FRMD3: variants seen among roughly 807,000 people sequenced by gnomAD.
The protein encoded by FRMD3 is FERM domain containing 3.
In FRMD3, 33 loss-of-function variants were observed where a neutral mutation model predicts 70.2. That is an observed-to-expected ratio of 0.47 (90% CI 0.36 to 0.63). The LOEUF (loss-of-function observed/expected upper bound fraction) is 0.63. Ranked by LOEUF, FRMD3 falls within the 20% of genes least tolerant of loss-of-function variation. The probability of loss-of-function intolerance (pLI) is 0.00; values close to 1 mark genes in which losing one functional copy is unlikely to be tolerated. For missense variants in FRMD3, 632 were observed against 711.4 expected, an observed-to-expected ratio of 0.89 and a Z score of 1.27; for synonymous variants, 279 against 255.9, an observed-to-expected ratio of 1.09 and a Z score of -0.86.
intron 6 of FRMD3, among the ~76,000 whole-genome samples, chr9:83,332,833 G>A (rs912468048): frequency 6.6e-6 from 1 of 152,202 alleles, no homozygotes; most frequent in African/African-American, 2.4e-5. Context: ...CTAGCTAAGT[G>A]GGAGGGTCAC....
chr9:83,362,002 T>C (rs1169792856), intron 3 of FRMD3, among the ~76,000 whole-genome samples: 1 of 152,218 alleles, frequency 6.6e-6, no homozygotes, highest in African/African-American at 2.4e-5. Context: ...AGTAGATTTC[T>C]ATTGTTTTAA....
the FRMD3 span, among the ~76,000 whole-genome samples, chr9:83,559,021 G>C: frequency 6.6e-6 from 1 of 152,214 alleles, no homozygotes; most frequent in Non-Finnish European, 1.5e-5. Flanking sequence ...TTTACTTCAG[G>C]TGAGGATGCT....
chr9:83,351,144 A>G (rs1191341599), intron 3 of FRMD3: 1 of 169,420 alleles, frequency 5.9e-6, no homozygotes, highest in East Asian at 1.9e-4. Context: ...CACTGTCTGG[A>G]CTACTCCAGA....
At chr9:83,436,123 C>T (rs1466753489) in intron 1 of FRMD3, among the ~76,000 whole-genome samples, 1 of 152,194 alleles carries the variant, frequency 6.6e-6, no homozygotes, top group Non-Finnish European at 1.5e-5. Context: ...TCACTCTTAA[C>T]TCCAGCTCAC....
Position 83,290,585 on chromosome 9 carries a change from A to G in FRMD3, c.1195+18T>C. On this transcript the variant is annotated intron_variant, in intron 13 of 13. Coordinates refer to ENST00000304195, the MANE Select transcript of FRMD3 (RefSeq NM_174938.6). ...GAAGCCTGCAGCACCAGCATTTGGG[A>G]TGAAGAGACAGACTTACCCTCACCC... 1.2e-6 allele frequency: 2 copies of G among 1,613,916 alleles called. No homozygotes were observed. Among genetic ancestry groups the G allele is most frequent in the Non-Finnish European group, 1.7e-6 (2 of 1,179,924 alleles).
chr9:83,583,604 C>A, the FRMD3 span, among the ~76,000 whole-genome samples: 1 of 152,020 alleles, frequency 6.6e-6, no homozygotes, highest in Admixed American at 6.6e-5. Context: ...TAGATACAAT[C>A]CCTTGTTGAA....
chr9:83,336,704 T>C (rs1823592507), intron 5 of FRMD3, among the ~76,000 whole-genome samples: 1 of 143,246 alleles, frequency 7.0e-6, no homozygotes, highest in Non-Finnish European at 1.5e-5. Flanking sequence ...TGCCCCCACT[T>C]GGCCAAGAGG....
At chr9:83,336,063 G>A (rs1180899653) in intron 5 of FRMD3, among the ~76,000 whole-genome samples, 1 of 152,128 alleles carries the variant, frequency 6.6e-6, no homozygotes, top group African/African-American at 2.4e-5. Flanking sequence ...CCAGAAGTTA[G>A]TCAAAGAATA....
At chr9:83,505,671 T>C (rs77325848) in intron 1 of FRMD3, among the ~76,000 whole-genome samples, 7,561 of 152,224 alleles carry the variant, frequency 0.05, 255 homozygotes, top group South Asian at 0.11. Flanking sequence ...AGTGACCTGC[T>C]CGTGGTGCTG....
intron 3 of FRMD3, among the ~76,000 whole-genome samples, chr9:83,369,575 TC>T (rs1824901870): frequency 1.9e-5 from 2 of 107,432 alleles, no homozygotes; most frequent in Non-Finnish European, 3.8e-5. Flanking sequence ...AGACTCTGTC[TC>T]AAAATAAATA....
At chr9:83,492,569 C>T (rs921917132) in intron 1 of FRMD3, among the ~76,000 whole-genome samples, 4 of 152,178 alleles carry the variant, frequency 2.6e-5, no homozygotes, top group Non-Finnish European at 1.5e-5. Context: ...AGGACTGCAG[C>T]CCCTTTTCTC....
intron 3 of FRMD3, among the ~76,000 whole-genome samples, chr9:83,354,346 T>C (rs1824266781): frequency 6.6e-6 from 1 of 152,254 alleles, no homozygotes; most frequent in Non-Finnish European, 1.5e-5. Flanking sequence ...ATCACATCCT[T>C]TGCAGCAACA....
the FRMD3 span, among the ~76,000 whole-genome samples, chr9:83,548,053 A>G: frequency 1.3e-5 from 2 of 152,224 alleles, no homozygotes; most frequent in South Asian, 2.1e-4. Context: ...ATAAGACCCA[A>G]AACTGACACT....
At chr9:83,344,643 G>C (rs1466672013) in intron 4 of FRMD3, among the ~76,000 whole-genome samples, 1 of 152,044 alleles carries the variant, frequency 6.6e-6, no homozygotes, top group African/African-American at 2.4e-5. Flanking sequence ...GACTTGGATT[G>C]GAATCTACAC....
chr9:83,389,770 GA>G (rs1825614865), intron 1 of FRMD3, 62 bp from the exon 2 acceptor site: 1 of 1,185,326 alleles, frequency 8.4e-7, no homozygotes, highest in Non-Finnish European at 1.3e-6. Context: ...CGTCCTCAGG[GA>G]GCCTTGTTCA....
intron 1 of FRMD3, among the ~76,000 whole-genome samples, chr9:83,433,274 A>C (rs1035008154): frequency 2.6e-5 from 4 of 152,244 alleles, no homozygotes; most frequent in Admixed American, 2.6e-4. Context: ...AATAAAGAAC[A>C]TTGGTGGAAG....
At chr9:83,378,666 A>C (rs1205380899) in intron 2 of FRMD3, among the ~76,000 whole-genome samples, 3 of 116,552 alleles carry the variant, frequency 2.6e-5, no homozygotes, top group Non-Finnish European at 3.5e-5. Context: ...AATATGTATA[A>C]TTTATATTAT....
chr9:83,416,755 C>CTG (rs1554702049), intron 1 of FRMD3, among the ~76,000 whole-genome samples: 2 of 106,636 alleles, frequency 1.9e-5, no homozygotes, highest in African/African-American at 8.2e-5. Context: ...GTCTCTCTCT[C>CTG]TCTCTCTCTC....
intron 1 of FRMD3, among the ~76,000 whole-genome samples, chr9:83,533,789 T>C (rs967319125): frequency 6.6e-6 from 1 of 152,236 alleles, no homozygotes; most frequent in African/African-American, 2.4e-5. Flanking sequence ...ATATTTATTG[T>C]GTTCCTACTG....
Sources: allele counts gnomAD v4.1 joint callset (sites outside exome capture counted in the v4.1 genomes callset), GRCh38; gene constraint gnomAD v4.1.1; transcripts MANE v1.5; gene names NCBI Gene and HGNC (gene_info 2026-07-23, HGNC 2026-07-21).